The following DNAH17 variants were observed in gnomAD, a reference collection of about 807,000 sequenced individuals.
DNAH17 encodes the protein axonemal beta dynein heavy chain 17.
DNAH17 carries 376 observed loss-of-function variants against 485.6 expected under a neutral mutation model. The ratio of observed to expected loss-of-function variants is 0.77; its 90% CI spans 0.71 to 0.84. DNAH17 has a LOEUF of 0.84. DNAH17 is among the 40% of genes least tolerant of loss of function. DNAH17 has a pLI of 0.00. For missense variants in DNAH17, 6,370 were observed against 5,839.3 expected (o/e 1.09, Z -2.96); for synonymous variants, 3,031 against 2,405.9 (o/e 1.26, Z -7.60).
At chr17:78,515,694 T>C (rs959724749) in intron 25 of DNAH17, among the ~76,000 whole-genome samples, 5 of 152,204 alleles carry the variant, frequency 3.3e-5, no homozygotes, top group African/African-American at 1.2e-4. Flanking sequence ...TCCCCTTGCC[T>C]GCCTTGGCAA....
At chr17:78,562,129 G>T in intron 11 of DNAH17, 149 bp from the exon 12 acceptor site, 3 of 978,184 alleles carry the variant, frequency 3.1e-6, no homozygotes, top group Non-Finnish European at 4.3e-6. Context: ...ACCTTTGTGT[G>T]TGTCAACTGG....
chr17:78,574,831 C>T lies in DNAH17; in HGVS notation c.227G>A (p.Gly76Glu). The change falls in exon 2 of 81, where the codon GGG becomes GAG. Residue 76 changes from glycine to glutamate, a missense_variant. By Grantham distance (98) the Gly-to-Glu change is moderately conservative. Coordinates refer to ENST00000389840, the MANE Select transcript of DNAH17 (RefSeq NM_173628.4). ...LGFPQSLKSK[G>E]VYFIKTKSEN... The stretch of plus-strand genomic sequence containing the variant: ...GGACTTTGTCTTGATGAAGTAAACC[C>T]CTTTGGACTTGAGGGACTGGGGGAA... 1.2e-6 allele frequency: 2 copies of T among 1,613,974 alleles called. No homozygotes were observed. The highest frequency in any genetic ancestry group is 1.7e-6 in the Non-Finnish European group (2 of 1,179,884).
chr17:78,518,698 A>C (rs898681290), intron 25 of DNAH17, among the ~76,000 whole-genome samples: 2 of 152,354 alleles, frequency 1.3e-5, no homozygotes, highest in South Asian at 4.1e-4. Flanking sequence ...CAGAATACGC[A>C]TTCTGTTCAA....
rs905155327 is a variant in DNAH17 at position 78,538,114 on chromosome 17, T to A, written c.2677-633A>T. The stretch of plus-strand genomic sequence containing the variant: ...GAGATTGTGCCATTGCACTCCAGCC[T>A]GGGCAAGAGCAAAACTCTGTCTCCA... On this transcript the variant is annotated intron_variant, in intron 18 of 80. Transcript: ENST00000389840. Among the ~76,000 whole-genome samples the A allele has an allele frequency of 1.6e-4, 20 of 124,086 alleles. 1 individual carries two copies. Among genetic ancestry groups the A allele is most frequent in the African/African-American group, 5.7e-4 (18 of 31,606 alleles). 81.4% of individuals were successfully genotyped at this position (124,086 alleles called of 152,430 possible). A position where few individuals can be genotyped will look rare whatever the true frequency, so the allele number is the denominator to read the frequency against.
chr17:78,484,748 A>ACCGCCCCCC (rs2089517645), intron 48 of DNAH17, 120 bp downstream of exon 48: 10 of 141,238 alleles, frequency 7.1e-5, no homozygotes, highest in South Asian at 1.5e-4. Context: ...CACCCCCCCC[A>ACCGCCCCCC]CCGCCCCACA....
intron 19 of DNAH17, among the ~76,000 whole-genome samples, chr17:78,534,088 T>C (rs115070641): frequency 0.023 from 3,497 of 152,334 alleles, 137 homozygotes; most frequent in African/African-American, 0.079. Context: ...AAAAGGCTCA[T>C]CTGGGGGCAT....
chr17:78,498,862 G>A, intron 37 of DNAH17, 146 bp downstream of exon 37: 1 of 542,680 alleles, frequency 1.8e-6, no homozygotes, highest in Non-Finnish European at 3.2e-6. Flanking sequence ...ACCCTGGAGG[G>A]CAAGAGCTCA....
Position 78,506,773 on chromosome 17 carries a change from C to T in DNAH17, c.4750G>A (p.Val1584Ile). Reference protein sequence around the residue: ...KRLAFPRFYFVSSADLLDILS... With the variant: ...KRLAFPRFYFISSADLLDILS... The stretch of plus-strand genomic sequence containing the variant: ...ATGTCCAGGAGGTCAGCCGAGGAGA[C>T]AAAATAGAACCGGGGGAAAGCCAGT... The change falls in exon 30 of 81, where the codon GTC (valine) becomes ATC (isoleucine). Residue 1584 changes from valine (V) to isoleucine (I), a missense_variant. Physicochemically the swap from Val to Ile is conservative, Grantham distance 29. Transcript: ENST00000389840. 1 of 1,613,946 alleles carries T rather than the reference C, an allele frequency of 6.2e-7. No individual in the cohort carries two copies. Among genetic ancestry groups the T allele is most frequent in the Non-Finnish European group, 8.5e-7 (1 of 1,179,870 alleles).
intron 48 of DNAH17, among the ~76,000 whole-genome samples, chr17:78,483,177 G>C (rs1433510436): frequency 1.3e-5 from 2 of 152,210 alleles, no homozygotes; most frequent in Admixed American, 6.5e-5. Flanking sequence ...TCCCTCCTCA[G>C]AGTGGCAGCT....
rs2088218428 is a variant in DNAH17, at chr17:78,463,022, T to C, written c.8996A>G (p.Asn2999Ser). The C allele has an allele frequency of 4.3e-6, 7 of 1,613,884 alleles. No homozygotes were observed. Among genetic ancestry groups the C allele is most frequent in the Non-Finnish European group, 5.9e-6 (7 of 1,179,898 alleles). Residue 2999 changes from asparagine (N) to serine (S), a missense_variant, in exon 57 of 81, where the codon AAC becomes AGC. Physicochemically the swap from Asn to Ser is conservative, Grantham distance 46. Coordinates refer to ENST00000389840, the MANE Select transcript of DNAH17 (RefSeq NM_173628.4). ...AGCCAGGTATACCCTGGACATCTCG[T>C]TGACGGTGGTGTGCACGTAGGACAT... ...FFMSYVHTTV[N>S]EMSRVYLATE...
intron 21 of DNAH17, among the ~76,000 whole-genome samples, chr17:78,530,137 G>A (rs1446371072): frequency 2.6e-5 from 4 of 152,216 alleles, no homozygotes; most frequent in South Asian, 2.1e-4. Flanking sequence ...TCGGTACACC[G>A]GGTTTGGAGA....
intron 11 of DNAH17, among the ~76,000 whole-genome samples, chr17:78,565,607 T>C (rs2092250978): frequency 1.3e-5 from 2 of 152,126 alleles, no homozygotes; most frequent in African/African-American, 4.8e-5. Context: ...CTGGAAGCAG[T>C]CAAGCCCAGA....
At chr17:78,568,921 A>G (rs1255237786) in intron 9 of DNAH17, among the ~76,000 whole-genome samples, 1 of 152,250 alleles carries the variant, frequency 6.6e-6, no homozygotes, top group Non-Finnish European at 1.5e-5. Context: ...TAACCCGCTC[A>G]TGATAGGATG....
chr17:78,458,680 C>T lies in DNAH17; in HGVS notation c.9862G>A (p.Glu3288Lys), dbSNP rs755788126. The change falls in exon 62 of 81, where the codon GAA becomes AAA. Residue 3288 changes from glutamate (E) to lysine (K), a missense_variant and splice_region_variant. Transcript: ENST00000389840. ...AGGTTGCTCAGGTTGGCGTTAAGTT[C>T]CTGCAAAACCAAGTTGGAAAGCTGC... is the stretch of plus-strand genomic sequence containing the variant. ...KLSRIKNKIA[E>K]LNANLSNLTS... 3 of 1,613,458 alleles carry T rather than the reference C, an allele frequency of 1.9e-6. No homozygotes were observed. Among genetic ancestry groups the T allele is most frequent in the South Asian group, 1.1e-5 (1 of 91,062 alleles).
chr17:78,501,963 A>G (rs745788067), intron 33 of DNAH17, 90 bp from the exon 34 acceptor site: 1 of 1,541,332 alleles, frequency 6.5e-7, no homozygotes, highest in Non-Finnish European at 8.9e-7. Flanking sequence ...TGCATAGGGA[A>G]CACCACCATG....
In DNAH17 at chr17:78,426,612, A is replaced by G. The variant is rs2086475089; in HGVS notation, c.12772-12T>C. On this transcript the variant is annotated splice_polypyrimidine_tract_variant and intron_variant, in intron 78 of 80. Coordinates refer to ENST00000389840, the MANE Select transcript of DNAH17 (RefSeq NM_173628.4). ...ATGGTCAGTTCTCCCTAGGAGACAC[A>G]CAGATGGGTGTGGGGAGCCCTGAGC... The G allele has an allele frequency of 6.3e-7, 1 of 1,594,290 alleles. No homozygotes were observed. The highest frequency in any genetic ancestry group is 8.6e-7 in the Non-Finnish European group (1 of 1,168,356).
rs144855019 is a variant in DNAH17, at chr17:78,518,675, C to T, written c.3865-3653G>A. Among the ~76,000 whole-genome samples, 381 of 152,212 alleles carry T rather than the reference C, an allele frequency of 2.5e-3. 1 individual carries two copies. Among genetic ancestry groups the T allele is most frequent in the African/African-American group, 8.3e-3 (344 of 41,540 alleles). On this transcript the variant is annotated intron_variant, in intron 25 of 80. Transcript: ENST00000389840. ...TCTAATTGACACGTATAAAACACTCCGCCCAACAGAAGCAGAATACGCATT... is the reference window on the plus strand; with the variant it reads ...TCTAATTGACACGTATAAAACACTCTGCCCAACAGAAGCAGAATACGCATT...
chr17:78,574,733 G>A lies in DNAH17; in HGVS notation c.325C>T (p.Leu109=). 1 of 1,608,234 alleles carries A rather than the reference G, an allele frequency of 6.2e-7. No individual in the cohort carries two copies. The change falls in exon 2 of 81, where the codon CTG becomes TTG. Residue 109 remains leucine (L), a synonymous_variant. Coordinates refer to ENST00000389840, the MANE Select transcript of DNAH17 (RefSeq NM_173628.4). ...CTCACCTCCTCCACCACCGCGATCA[G>A]CTGGTCCACGGGTGTGGGGCTGATG... ...GDISPTPVDQ[L]IAVVEEVLSS... is the part of the protein sequence containing the mutation.
intron 48 of DNAH17, among the ~76,000 whole-genome samples, chr17:78,482,062 A>T (rs1233261469): frequency 1.4e-5 from 2 of 142,902 alleles, no homozygotes; most frequent in Non-Finnish European, 3.0e-5. Flanking sequence ...GTCACACTAC[A>T]CTAGTTACTT....
Sources: gnomAD v4.1 joint callset for allele counts (sites outside exome capture counted in the v4.1 genomes callset) on GRCh38, gnomAD v4.1.1 for gene constraint, MANE v1.5 for transcripts, NCBI Gene and HGNC (gene_info 2026-07-23, HGNC 2026-07-21) for gene names.